The following ZNF83 variants were observed in gnomAD, a reference collection of about 807,000 sequenced individuals.
ZNF83 encodes zinc finger protein 816B.
For missense variants in ZNF83, 552 were observed against 629.9 expected, an observed-to-expected ratio of 0.88 and a Z score of 1.32; for synonymous variants, 209 against 213.0, an observed-to-expected ratio of 0.98 and a Z score of 0.17.
intron 2 of ZNF83, among the ~76,000 whole-genome samples, chr19:52,626,806 A>C (rs1230829803): frequency 2.0e-5 from 3 of 151,996 alleles, no homozygotes; most frequent in East Asian, 1.9e-4. Context: ...ATCATCCATT[A>C]TCTCTCCATA....
At chr19:52,628,415 A>G (rs149642800) in intron 2 of ZNF83, among the ~76,000 whole-genome samples, 1,727 of 152,124 alleles carry the variant, frequency 0.011, 20 homozygotes, top group Admixed American at 0.014. Flanking sequence ...CAATCTTGGC[A>G]CCACACTTCA....
chr19:52,655,805 A>G, intron 2 of ZNF83: 1 of 550,038 alleles, frequency 1.8e-6, no homozygotes, highest in Admixed American at 3.1e-5. Context: ...ACAAACCCAC[A>G]TTAAGGTATT....
chr19:52,633,548 A>G (rs1004366408), intron 2 of ZNF83, among the ~76,000 whole-genome samples: 3 of 152,230 alleles, frequency 2.0e-5, no homozygotes, highest in Non-Finnish European at 4.4e-5. Flanking sequence ...AGGATGTGAC[A>G]GGGAAAGGAG....
intron 1 of ZNF83, among the ~76,000 whole-genome samples, chr19:52,686,253 C>A (rs555249429): frequency 1.3e-5 from 2 of 151,878 alleles, no homozygotes; most frequent in Non-Finnish European, 2.9e-5. Context: ...TAATTTCAAA[C>A]CGAAACTATT....
intron 1 of ZNF83, among the ~76,000 whole-genome samples, chr19:52,674,927 G>C (rs1171219996): frequency 6.6e-6 from 1 of 152,150 alleles, no homozygotes; most frequent in Non-Finnish European, 1.5e-5. Context: ...ACCTCTGTTG[G>C]CCAGGCTGGT....
exon 3 of ZNF83, chr19:52,613,258 T>C (rs746461036): frequency 6.2e-7 from 1 of 1,613,850 alleles, no homozygotes; most frequent in Non-Finnish European, 8.5e-7. Context: ...ACCGAAGACC[T>C]TCCCACATTC....
upstream of ZNF83, among the ~76,000 whole-genome samples, chr19:52,639,468 A>G (rs191597845): frequency 1.7e-5 from 2 of 117,910 alleles, no homozygotes; most frequent in East Asian, 6.1e-4. Flanking sequence ...GCCAGGCTGG[A>G]ATGCGGTGGC....
chr19:52,634,838 G>A (rs6509660), intron 2 of ZNF83, among the ~76,000 whole-genome samples: 101,985 of 151,806 alleles, frequency 0.67, 34,818 homozygotes, highest in African/African-American at 0.74. Context: ...TCTGGGTGTG[G>A]GCCCTTACCA....
At chr19:52,640,432 C>A (rs933946395), upstream of ZNF83, among the ~76,000 whole-genome samples, 1 of 152,140 alleles carries the variant, frequency 6.6e-6, no homozygotes, top group Non-Finnish European at 1.5e-5. Flanking sequence ...TGATACAATT[C>A]GAGGAAGGTC....
intron 2 of ZNF83, among the ~76,000 whole-genome samples, chr19:52,633,756 C>T (rs1600199755): frequency 6.6e-6 from 1 of 151,834 alleles, no homozygotes; most frequent in African/African-American, 2.4e-5. Flanking sequence ...TCTAAAAATA[C>T]AAAATTAGCC....
At chr19:52,624,256 C>G (rs1056389578) in intron 2 of ZNF83, among the ~76,000 whole-genome samples, 1 of 152,192 alleles carries the variant, frequency 6.6e-6, no homozygotes, top group African/African-American at 2.4e-5. Flanking sequence ...ACTCCTTCAA[C>G]ATTTATTCTC....
chr19:52,631,138 A>C (rs12462423), intron 2 of ZNF83, among the ~76,000 whole-genome samples: 30,271 of 144,668 alleles, frequency 0.21, 3,745 homozygotes, highest in East Asian at 0.46. Context: ...GTACTGCCGC[A>C]AGGCTTCACA....
intron 3 of ZNF83, among the ~76,000 whole-genome samples, chr19:52,647,573 T>C (rs374183514): frequency 7.6e-4 from 115 of 152,212 alleles, no homozygotes; most frequent in African/African-American, 2.6e-3. Context: ...TTAGTCACTG[T>C]GCCTGGCCCC....
intron 3 of ZNF83, among the ~76,000 whole-genome samples, chr19:52,649,251 G>C (rs1222601380): frequency 6.6e-6 from 1 of 152,186 alleles, no homozygotes; most frequent in African/African-American, 2.4e-5. Flanking sequence ...GTGAGTTTGT[G>C]CAGTTGTCAG....
At chr19:52,678,172 G>C (rs1456403601) in intron 1 of ZNF83, among the ~76,000 whole-genome samples, 1 of 151,982 alleles carries the variant, frequency 6.6e-6, no homozygotes, top group African/African-American at 2.4e-5. Flanking sequence ...AGAGGATAAG[G>C]CCAGGCTCGG....
At chr19:52,666,655 T>C (rs2061658252) in intron 1 of ZNF83, among the ~76,000 whole-genome samples, 1 of 147,756 alleles carries the variant, frequency 6.8e-6, no homozygotes, top group Non-Finnish European at 1.5e-5. Flanking sequence ...AAATGGTAGC[T>C]TACTGACTCA....
chr19:52,616,027 G>A (rs952078456), intron 2 of ZNF83, among the ~76,000 whole-genome samples: 12 of 152,082 alleles, frequency 7.9e-5, no homozygotes, highest in African/African-American at 1.2e-4. Context: ...TAATAGAGAC[G>A]GGGCTTCACC....
intron 1 of ZNF83, among the ~76,000 whole-genome samples, chr19:52,675,306 C>CA (rs1568578159): frequency 6.6e-5 from 10 of 152,108 alleles, no homozygotes; most frequent in Admixed American, 2.0e-4. Flanking sequence ...GATCCTAGGC[C>CA]TGAAGGATCC....
At chr19:52,613,127 T>G (rs777041967) in exon 3 of ZNF83, 6 of 1,613,994 alleles carry the variant, frequency 3.7e-6, no homozygotes, top group African/African-American at 1.3e-5. Flanking sequence ...TTCTCTCCAG[T>G]GTGGATCGCA....
Sources: gnomAD v4.1 joint callset for allele counts (sites outside exome capture counted in the v4.1 genomes callset) on GRCh38, gnomAD v4.1.1 for gene constraint, MANE v1.5 for transcripts, NCBI Gene and HGNC (gene_info 2026-07-23, HGNC 2026-07-21) for gene names.